Variants in FIP1L1 observed in about 807,000 individuals in gnomAD.
The protein encoded by FIP1L1 is pre-mRNA 3'-end-processing factor FIP1.
Under a neutral mutation model 84.6 loss-of-function variants are expected in FIP1L1, and 21 were observed. That is an observed-to-expected ratio of 0.25 (90% confidence interval 0.18 to 0.36). FIP1L1 has a LOEUF of 0.36. FIP1L1 is among the 10% of genes least tolerant of loss of function. FIP1L1 has a pLI of 1.00. For missense variants in FIP1L1, 526 were observed against 751.1 expected (o/e 0.70, Z 3.50); for synonymous variants, 263 against 242.3 (o/e 1.09, Z -0.80).
chr4:53,416,841 G>T (rs558765253), intron 11 of FIP1L1, among the ~76,000 whole-genome samples: 15 of 152,184 alleles, frequency 9.9e-5, no homozygotes, highest in African/African-American at 3.6e-4. Flanking sequence ...ACAGTCACCT[G>T]TAATCCCAGA....
chr4:53,424,078 T>G (rs911424790), intron 11 of FIP1L1, among the ~76,000 whole-genome samples: 2 of 152,116 alleles, frequency 1.3e-5, no homozygotes, highest in Non-Finnish European at 2.9e-5. Context: ...TAGAATTTGT[T>G]CTTGATGGGA....
intron 16 of FIP1L1, among the ~76,000 whole-genome samples, chr4:53,454,692 C>G (rs916270544): frequency 2.0e-5 from 3 of 152,150 alleles, no homozygotes; most frequent in African/African-American, 7.2e-5. Flanking sequence ...ATTCTAAGGA[C>G]TCCAGGATTT....
Position 53,425,969 on chromosome 4 carries a change from T to G in FIP1L1, c.1017+4T>G, listed in dbSNP as rs1161849395. The G allele has an allele frequency of 6.3e-7, 1 of 1,595,904 alleles. No homozygotes were observed. The highest frequency in any genetic ancestry group is 8.6e-7 in the Non-Finnish European group (1 of 1,167,800). ...AAATGAGAACAGCAACATACAGGTT[T>G]AGTATTTTAAAATAAATAATTTTCT... On this transcript the variant is annotated splice_donor_region_variant and intron_variant, in intron 12 of 17. Coordinates refer to ENST00000337488, the MANE Select transcript of FIP1L1 (RefSeq NM_030917.4).
chr4:53,429,001 T>G (rs1280772321), intron 13 of FIP1L1, among the ~76,000 whole-genome samples: 1 of 152,242 alleles, frequency 6.6e-6, no homozygotes, highest in Non-Finnish European at 1.5e-5. Context: ...TAGAGAGCCA[T>G]GTACTCTCAC....
At position 53,382,362 on chromosome 4, in the gene FIP1L1, A is replaced by G. The variant is rs759217742; in HGVS notation, c.228+27A>G. 2 of 1,580,086 alleles carry G rather than the reference A, an allele frequency of 1.3e-6. 1 individual carries two copies. The highest frequency in any genetic ancestry group is 2.2e-5 in the South Asian group (2 of 90,146). ...TAACATAAGGCTTTGAAATCCAGTT[A>G]CTGATACAAATCTTTATCAATAGCT... On this transcript the variant is annotated intron_variant, in intron 4 of 17. Transcript: ENST00000337488.
At chr4:53,385,421 G>T (rs974992463) in intron 5 of FIP1L1, among the ~76,000 whole-genome samples, 1 of 151,902 alleles carries the variant, frequency 6.6e-6, no homozygotes, top group African/African-American at 2.4e-5. Context: ...TCAGTTTTAT[G>T]CATTGTAATT....
chr4:53,386,666 T>C (rs1250933802), intron 5 of FIP1L1, among the ~76,000 whole-genome samples: 3 of 152,172 alleles, frequency 2.0e-5, no homozygotes, highest in African/African-American at 4.8e-5. Context: ...ACAATAAATA[T>C]ATTAGATGCG....
intron 10 of FIP1L1, among the ~76,000 whole-genome samples, chr4:53,410,978 G>A (rs1055478377): frequency 6.6e-6 from 1 of 152,150 alleles, no homozygotes; most frequent in African/African-American, 2.4e-5. Flanking sequence ...AGGTGGGGGG[G>A]GCTGCTGTAT....
At chr4:53,410,514 C>T (rs538748793) in intron 10 of FIP1L1, among the ~76,000 whole-genome samples, 33 of 152,212 alleles carry the variant, frequency 2.2e-4, no homozygotes, top group African/African-American at 5.8e-4. Context: ...GTTGATGTTG[C>T]GAGTTGTCTC....
intron 11 of FIP1L1, among the ~76,000 whole-genome samples, chr4:53,416,427 C>G (rs116766593): frequency 0.018 from 2,677 of 152,294 alleles, 83 homozygotes; most frequent in African/African-American, 0.061. Context: ...CCTCCATTAC[C>G]ACAATCGTAA....
At chr4:53,410,090 G>A (rs192238289) in intron 10 of FIP1L1, among the ~76,000 whole-genome samples, 2 of 152,310 alleles carry the variant, frequency 1.3e-5, no homozygotes, top group East Asian at 1.9e-4. Flanking sequence ...CGTCGCTCAC[G>A]CTGGGAGCTG....
At chr4:53,387,682 A>G (rs1176019962) in intron 5 of FIP1L1, among the ~76,000 whole-genome samples, 2 of 152,236 alleles carry the variant, frequency 1.3e-5, no homozygotes, top group Non-Finnish European at 2.9e-5. Flanking sequence ...AAAGCGAAGA[A>G]GCTCATTTAT....
intron 11 of FIP1L1, among the ~76,000 whole-genome samples, chr4:53,423,919 GA>G (rs1281531678): frequency 6.6e-6 from 1 of 152,080 alleles, no homozygotes. Flanking sequence ...CAGACTTTTT[GA>G]AAACTAGAGA....
At chr4:53,444,466 T>A (rs9997358) in intron 15 of FIP1L1, among the ~76,000 whole-genome samples, 123,572 of 152,088 alleles carry the variant, frequency 0.81, 50,341 homozygotes, top group Non-Finnish European at 0.85. Flanking sequence ...CGCTGGTTTA[T>A]TTTTTTTCTG....
At chr4:53,441,556 T>C (rs1269877222) in intron 13 of FIP1L1, among the ~76,000 whole-genome samples, 1 of 151,962 alleles carries the variant, frequency 6.6e-6, no homozygotes. Context: ...ACTTTTAAGA[T>C]GTTTAATAGA....
In FIP1L1 at chr4:53,453,150, G is replaced by A. The variant is rs1251225780; in HGVS notation, c.1499+17G>A. ...TTTCAACAGGTTTGTTGGGTGTGCAGGAGTTTATACTATGTATTTTATAAG... is the reference window on the plus strand; with the variant it reads ...TTTCAACAGGTTTGTTGGGTGTGCAAGAGTTTATACTATGTATTTTATAAG... On this transcript the variant is annotated intron_variant, in intron 16 of 17. Transcript: ENST00000337488. 6.2e-7 allele frequency: 1 copy of A among 1,613,522 alleles called. No individual in the cohort carries two copies. Among genetic ancestry groups the A allele is most frequent in the African/African-American group, 1.3e-5 (1 of 74,906 alleles).
At chr4:53,444,777 G>A (rs1208743744) in intron 15 of FIP1L1, among the ~76,000 whole-genome samples, 1 of 152,044 alleles carries the variant, frequency 6.6e-6, no homozygotes, top group African/African-American at 2.4e-5. Flanking sequence ...TCATCATGTT[G>A]CCTAGGCTGG....
intron 12 of FIP1L1, among the ~76,000 whole-genome samples, chr4:53,426,941 A>T (rs926642802): frequency 5.9e-5 from 9 of 151,992 alleles, no homozygotes; most frequent in Admixed American, 6.6e-5. Flanking sequence ...TTTTTTCATT[A>T]TTTATTCCTA....
At chr4:53,455,705 G>A (rs748199834) in intron 16 of FIP1L1, among the ~76,000 whole-genome samples, 2 of 151,852 alleles carry the variant, frequency 1.3e-5, no homozygotes, top group Non-Finnish European at 2.9e-5. Flanking sequence ...AATTGATATC[G>A]ATGCATAATT....
Sources: allele counts gnomAD v4.1 joint callset (sites outside exome capture counted in the v4.1 genomes callset), GRCh38; gene constraint gnomAD v4.1.1; transcripts MANE v1.5; gene names NCBI Gene and HGNC (gene_info 2026-07-23, HGNC 2026-07-21).